The following SYTL3 variants were observed in gnomAD, a reference collection of about 807,000 sequenced individuals.
SYTL3 encodes synaptotagmin like 3.
In SYTL3, 88 loss-of-function variants were observed where a neutral mutation model predicts 82.1. That is an observed-to-expected ratio of 1.07 (90% CI 0.90 to 1.28). The LOEUF is 1.28. Ranked by LOEUF, SYTL3 falls within the 50% of genes most tolerant of loss-of-function variation. The probability of loss-of-function intolerance (pLI) is 0.00; values close to 1 mark genes in which losing one functional copy is unlikely to be tolerated. For synonymous variants in SYTL3, 311 were observed against 289.4 expected (o/e 1.07, Z -0.76); for missense variants, 831 against 757.6 (o/e 1.10, Z -1.14).
intron 5 of SYTL3, among the ~76,000 whole-genome samples, chr6:158,678,712 C>T (rs1365890878): frequency 6.6e-6 from 1 of 152,182 alleles, no homozygotes; most frequent in Non-Finnish European, 1.5e-5. Context: ...TTCTAGTGAT[C>T]CTCATGCAGT....
chr6:158,654,818 C>CG (rs1035461357), intron 2 of SYTL3, among the ~76,000 whole-genome samples: 40 of 151,982 alleles, frequency 2.6e-4, no homozygotes, highest in African/African-American at 9.4e-4. Flanking sequence ...GGCTGAGTGT[C>CG]GGGGGGGCTT....
intron 8 of SYTL3, among the ~76,000 whole-genome samples, chr6:158,711,033 G>A (rs1381838000): frequency 6.6e-6 from 1 of 152,056 alleles, no homozygotes; most frequent in Non-Finnish European, 1.5e-5. Context: ...GCCCACCTCG[G>A]GCTCCCAAAG....
chr6:158,699,357 C>A (rs763572575), intron 6 of SYTL3, among the ~76,000 whole-genome samples: 5 of 152,210 alleles, frequency 3.3e-5, no homozygotes, highest in African/African-American at 4.8e-5. Context: ...GCGTCCTCAA[C>A]TGACACCATG....
intron 14 of SYTL3, among the ~76,000 whole-genome samples, chr6:158,759,688 C>T (rs576775710): frequency 1.3e-5 from 2 of 152,250 alleles, no homozygotes; most frequent in South Asian, 2.1e-4. Context: ...CCCGTCACCA[C>T]ACCTGGCTAA....
At chr6:158,734,417 G>A (rs143597438) in intron 11 of SYTL3, among the ~76,000 whole-genome samples, 43 of 152,036 alleles carry the variant, frequency 2.8e-4, no homozygotes, top group African/African-American at 8.9e-4. Context: ...CATGACAGCC[G>A]GTGGGATCCT....
chr6:158,762,226 C>CA (rs1347481598), intron 16 of SYTL3, 48 bp downstream of exon 16: 6 of 1,351,660 alleles, frequency 4.4e-6, no homozygotes, highest in Non-Finnish European at 6.3e-6. Flanking sequence ...TAGTATACAT[C>CA]ACAACATGGC....
intron 11 of SYTL3, among the ~76,000 whole-genome samples, chr6:158,729,566 CT>C (rs34172320): frequency 0.17 from 22,273 of 132,568 alleles, 1,317 homozygotes; most frequent in South Asian, 0.3. Context: ...CTTTCTTTTT[CT>C]TTTTTTTTTT....
chr6:158,737,840 A>AGC (rs1305242242), intron 11 of SYTL3, among the ~76,000 whole-genome samples: 2 of 152,214 alleles, frequency 1.3e-5, no homozygotes, highest in Non-Finnish European at 2.9e-5. Context: ...GTCCCTGCTC[A>AGC]GCAGACACAG....
At chr6:158,764,455 C>T (rs757330548) in intron 17 of SYTL3, 40 bp from the exon 18 acceptor site, 17 of 1,447,090 alleles carry the variant, frequency 1.2e-5, no homozygotes, top group East Asian at 2.3e-5. Context: ...TGAAGTGGTG[C>T]CCTCCCCGAC....
intron 6 of SYTL3, among the ~76,000 whole-genome samples, chr6:158,699,792 A>G (rs1780966671): frequency 6.6e-6 from 1 of 151,596 alleles, no homozygotes. Flanking sequence ...TACTAAAAAT[A>G]CAAAAATTAG....
chr6:158,691,296 A>C (rs1254851422), intron 6 of SYTL3, among the ~76,000 whole-genome samples: 3 of 152,006 alleles, frequency 2.0e-5, no homozygotes, highest in Non-Finnish European at 4.4e-5. Context: ...GCAGTGAGCC[A>C]AGATCATGCC....
At chr6:158,714,247 G>A (rs1783090620) in intron 9 of SYTL3, among the ~76,000 whole-genome samples, 1 of 152,146 alleles carries the variant, frequency 6.6e-6, no homozygotes, top group Admixed American at 6.5e-5. Flanking sequence ...AGCTACTGGG[G>A]AAGCTGAGGC....
Position 158,702,231 on chromosome 6 carries a change from CA to C in SYTL3, c.395-4998del, listed in dbSNP as rs1781388614. 7.4e-5 allele frequency among the ~76,000 whole-genome samples: 11 copies of C among 149,400 alleles called. No homozygotes were observed. In the Admixed American group the frequency reaches 7.5e-4, roughly 10 times the overall value. ...ATCCCAGCTACTTGGGAGGCTGAGG[CA>C]GGAGAATCACTTGAACCCGGGAGGC... On this transcript the variant is annotated intron_variant, in intron 6 of 17. Transcript: ENST00000611299.
At position 158,757,198 on chromosome 6, in the gene SYTL3, C is replaced by G. The variant is rs1235019491; in HGVS notation, c.1138-13C>G. The G allele has an allele frequency of 6.2e-7, 1 of 1,605,764 alleles. No homozygotes were observed. The highest frequency in any genetic ancestry group is 8.5e-7 in the Non-Finnish European group (1 of 1,179,118). On this transcript the variant is annotated splice_polypyrimidine_tract_variant and intron_variant, in intron 13 of 17. Coordinates refer to ENST00000611299, the MANE Select transcript of SYTL3 (RefSeq NM_001242394.2). ...CGGGAGCCCAGCTGACCATCTCTTC[C>G]TTGCCTCTGCAGTATCAGGTGGCCC...
At position 158,665,474 on chromosome 6, in the gene SYTL3, G is replaced by A. The variant is rs749259328; in HGVS notation, c.190G>A (p.Ala64Thr). 1.9e-6 allele frequency: 3 copies of A among 1,607,978 alleles called. No individual in the cohort carries two copies. In the South Asian group the frequency reaches 3.3e-5, roughly 18 times the overall value. Residue 64 changes from alanine (A) to threonine (T), a missense_variant, in exon 5 of 18, where the codon GCG becomes ACG. Transcript: ENST00000611299. ...TDWEHKEKCC[A>T]RCQQVLGFLL... is the part of the protein sequence containing the mutation. ...CTGGGAGCACAAAGAGAAGTGCTGT[G>A]CGCGCTGCCAGCAGGTGCTGGGGTT... is the stretch of plus-strand genomic sequence containing the variant.
chr6:158,655,715 G>T (rs901169459), intron 2 of SYTL3, among the ~76,000 whole-genome samples: 7 of 152,176 alleles, frequency 4.6e-5, no homozygotes, highest in Admixed American at 1.3e-4. Flanking sequence ...GCATCAGCAC[G>T]TTTCGTCATC....
At chr6:158,650,298 G>A (rs1268294112) in intron 1 of SYTL3, among the ~76,000 whole-genome samples, 1 of 152,024 alleles carries the variant, frequency 6.6e-6, no homozygotes, top group Non-Finnish European at 1.5e-5. Context: ...TATGGTGGAA[G>A]TGACTTCAGA....
At chr6:158,714,346 C>G (rs573130371) in intron 9 of SYTL3, among the ~76,000 whole-genome samples, 5 of 150,770 alleles carry the variant, frequency 3.3e-5, no homozygotes, top group African/African-American at 1.2e-4. Context: ...AGCAAGACTC[C>G]GTCTCAAAAA....
At chr6:158,654,662 C>T (rs1788453621) in intron 2 of SYTL3, among the ~76,000 whole-genome samples, 1 of 152,152 alleles carries the variant, frequency 6.6e-6, no homozygotes, top group African/African-American at 2.4e-5. Flanking sequence ...CCCCAAACAG[C>T]CCTGTGAAGC....
Sources: allele counts gnomAD v4.1 joint callset (sites outside exome capture counted in the v4.1 genomes callset), GRCh38; gene constraint gnomAD v4.1.1; transcripts MANE v1.5; gene names NCBI Gene and HGNC (gene_info 2026-07-23, HGNC 2026-07-21).